The following PARP14 variants were observed in gnomAD, a reference collection of about 807,000 sequenced individuals.
The protein encoded by PARP14 is protein mono-ADP-ribosyltransferase PARP14.
Under a neutral mutation model 154.2 loss-of-function variants are expected in PARP14, and 59 were observed. The observed-to-expected ratio is 0.38, with a 90% CI of 0.31 to 0.48. The LOEUF is 0.48. PARP14 is among the 20% of genes least tolerant of loss of function. PARP14 has a pLI of 0.98. For missense variants in PARP14, 1,734 were observed against 2,131.6 expected (o/e 0.81, Z 3.67); for synonymous variants, 720 against 780.5 (o/e 0.92, Z 1.29).
intron 5 of PARP14, among the ~76,000 whole-genome samples, chr3:122,698,698 A>G (rs575409241): frequency 6.6e-6 from 1 of 152,356 alleles, no homozygotes; most frequent in African/African-American, 2.4e-5. Context: ...TGTGAGGATG[A>G]AATGAATTAA....
Position 122,692,308 on chromosome 3 carries a change from A to G in PARP14, c.363A>G (p.Ser121=), listed in dbSNP as rs1186305039. ...TKEDVKEPDV[S]EELDTKLPLD... ...TTGTCTTCCTAAAATCAGATGTGTC[A>G]GAAGAATTGGATACAAAACTCCCTC... The change falls in exon 4 of 17, where the codon TCA becomes TCG. Residue 121 remains serine (S), a synonymous_variant. Coordinates refer to ENST00000474629, the MANE Select transcript of PARP14 (RefSeq NM_017554.3). 4 of 1,610,944 alleles carry G rather than the reference A, an allele frequency of 2.5e-6. No homozygotes were observed. The highest frequency in any genetic ancestry group is 2.2e-5 in the East Asian group (1 of 44,792).
intron 15 of PARP14, among the ~76,000 whole-genome samples, chr3:122,723,038 C>T (rs1263602103): frequency 1.3e-5 from 2 of 151,936 alleles, no homozygotes; most frequent in Non-Finnish European, 2.9e-5. Context: ...CGGTTGCAAG[C>T]GATTCTCCTG....
At chr3:122,712,488 T>C (rs1939354774) in intron 9 of PARP14, among the ~76,000 whole-genome samples, 1 of 152,122 alleles carries the variant, frequency 6.6e-6, no homozygotes, top group Admixed American at 6.5e-5. Flanking sequence ...CCTCAAGTGA[T>C]CCACCTGCCT....
At chr3:122,703,701 T>G in intron 6 of PARP14, 41 bp from the exon 7 acceptor site, 1 of 1,256,056 alleles carries the variant, frequency 8.0e-7, no homozygotes, top group Admixed American at 2.3e-5. Context: ...ATGAATGCTT[T>G]TTGTTAAAAT....
rs747624853 is a variant in PARP14, at chr3:122,720,303, T to A, written c.4856T>A (p.Val1619Glu). ...WSDMKQQNFC[V>E]VELLPSDPEY... ...GATATGAAGCAGCAGAATTTCTGTG[T>A]GGTGGAGCTGCTGCCTAGTGATCCT... is the stretch of plus-strand genomic sequence containing the variant. The change falls in exon 15 of 17, where the codon GTG becomes GAG. Residue 1619 changes from valine (V) to glutamate (E), a missense_variant. This residue lies in a region of PARP14 where 1,646 missense variants were observed against 1,976.0 expected (regional missense o/e 0.83). Coordinates refer to ENST00000474629, the MANE Select transcript of PARP14 (RefSeq NM_017554.3). 2.5e-6 allele frequency: 4 copies of A among 1,613,020 alleles called. No individual in the cohort carries two copies. The highest frequency in any genetic ancestry group is 2.5e-6 in the Non-Finnish European group (3 of 1,179,384).
chr3:122,698,838 C>G (rs995040309), intron 5 of PARP14, among the ~76,000 whole-genome samples: 1 of 152,088 alleles, frequency 6.6e-6, no homozygotes, highest in African/African-American at 2.4e-5. Context: ...TAGGACTGTA[C>G]AAGAAGAACA....
chr3:122,720,517 T>C (rs774864406), intron 15 of PARP14, 129 bp downstream of exon 15: 80 of 831,738 alleles, frequency 9.6e-5, no homozygotes, highest in South Asian at 8.8e-4. Flanking sequence ...TGTATGGTAA[T>C]TAGTAGTTCT....
rs1243952626 is a variant in PARP14, at chr3:122,700,325, C to A, written c.1771C>A (p.Gln591Lys). Residue 591 changes from glutamine (Q) to lysine (K), a missense_variant, in exon 6 of 17, where the codon CAA becomes AAA. Physicochemically the swap from Gln to Lys is moderately conservative, Grantham distance 53. Transcript: ENST00000474629. ...TGAAGCCCTGTTAGAAGCAGAAAAG[C>A]AAATGCTCAGTGCCTTAAATTATAA... ...SSEALLEAEK[Q>K]MLSALNYKRI... 6.2e-7 allele frequency: 1 copy of A among 1,613,570 alleles called. No individual in the cohort carries two copies. Among genetic ancestry groups the A allele is most frequent in the Non-Finnish European group, 8.5e-7 (1 of 1,179,660 alleles).
intron 12 of PARP14, among the ~76,000 whole-genome samples, chr3:122,716,914 C>T (rs1933016664): frequency 6.6e-6 from 1 of 152,230 alleles, no homozygotes; most frequent in African/African-American, 2.4e-5. Context: ...CATATCACAT[C>T]ATCTGTGTTC....
At chr3:122,707,938 A>G (rs757325160) in intron 8 of PARP14, among the ~76,000 whole-genome samples, 6 of 152,346 alleles carry the variant, frequency 3.9e-5, no homozygotes, top group Non-Finnish European at 8.8e-5. Context: ...TATGAATAGC[A>G]CTGTAGTGAA....
At position 122,700,342 on chromosome 3, in the gene PARP14, A is replaced by T; in HGVS notation, c.1788A>T (p.Leu596Phe). The change falls in exon 6 of 17, where the codon TTA becomes TTT. Residue 596 changes from leucine (L) to phenylalanine (F), a missense_variant. By Grantham distance (22) the Leu-to-Phe change is conservative. Coordinates refer to ENST00000474629, the MANE Select transcript of PARP14 (RefSeq NM_017554.3). ...LEAEKQMLSA[L>F]NYKRIEVENK... The stretch of plus-strand genomic sequence containing the variant: ...CAGAAAAGCAAATGCTCAGTGCCTT[A>T]AATTATAAGCGCATTGAAGTTGAGA... The T allele has an allele frequency of 6.2e-7, 1 of 1,613,814 alleles. No homozygotes were observed. Among genetic ancestry groups the T allele is most frequent in the Non-Finnish European group, 8.5e-7 (1 of 1,179,796 alleles).
chr3:122,683,245 T>C, intron 1 of PARP14: 1 of 957,826 alleles, frequency 1.0e-6, no homozygotes, highest in Non-Finnish European at 1.2e-6. Flanking sequence ...GTCCCAGAAG[T>C]GCATTCTTCT....
chr3:122,700,366 G>C lies in PARP14; in HGVS notation c.1812G>C (p.Glu604Asp). Residue 604 changes from glutamate to aspartate, a missense_variant, in exon 6 of 17, where the codon GAG becomes GAC. Around this residue, in one of 2 missense-constraint regions of PARP14, gnomAD observed 1,646 missense variants for 1,976.0 expected, o/e 0.83. Transcript: ENST00000474629. The part of the protein sequence containing the change: ...SALNYKRIEV[E>D]NKEVLHGKKW... ...TAAATTATAAGCGCATTGAAGTTGAGAACAAAGAAGTTCTTCATGGCAAGA... is the reference window on the plus strand; with the variant it reads ...TAAATTATAAGCGCATTGAAGTTGACAACAAAGAAGTTCTTCATGGCAAGA... 6.2e-7 allele frequency: 1 copy of C among 1,613,848 alleles called. No homozygotes were observed. The highest frequency in any genetic ancestry group is 8.5e-7 in the Non-Finnish European group (1 of 1,179,852).
intron 2 of PARP14, among the ~76,000 whole-genome samples, chr3:122,686,090 A>T (rs1181910423): frequency 6.6e-6 from 1 of 152,246 alleles, no homozygotes; most frequent in African/African-American, 2.4e-5. Flanking sequence ...ATCTGTATAA[A>T]GCACATGACA....
chr3:122,684,606 G>T (rs1319377349), intron 1 of PARP14, among the ~76,000 whole-genome samples: 1 of 151,494 alleles, frequency 6.6e-6, no homozygotes, highest in Admixed American at 6.6e-5. Context: ...CTATTAATTT[G>T]TTCATTTTTT....
rs191618237 is a variant in PARP14, at chr3:122,690,796, G to A, written c.356-1505G>A. Among the ~76,000 whole-genome samples the A allele has an allele frequency of 6.2e-4, 94 of 152,348 alleles. 2 individuals are homozygous for A. The highest frequency in any genetic ancestry group is 8.4e-4 in the Non-Finnish European group (57 of 68,030). ...CAAAGTGCTGGGATTACAGGCATGA[G>A]CCACTGCGCCTGGCCACAACACAAG... On this transcript the variant is annotated intron_variant, in intron 3 of 16. Transcript: ENST00000474629.
rs563186973 is a variant in PARP14, at chr3:122,718,809, A to T, written c.4658A>T (p.Asn1553Ile). Reference sequence around the variant, plus strand: ...TCTCATTGTTTTAACAAAATGACCAATCTGAAATTAGAGGATGCAAGGAGA... The same window carrying T: ...TCTCATTGTTTTAACAAAATGACCATTCTGAAATTAGAGGATGCAAGGAGA... ...NTSHCFNKMT[N>I]LKLEDARREK... Residue 1553 changes from asparagine (N) to isoleucine (I), a missense_variant, in exon 14 of 17, where the codon AAT (asparagine) becomes ATT (isoleucine). Asn to Ile is a moderately radical substitution (Grantham distance 149). Transcript: ENST00000474629. 4 of 1,613,984 alleles carry T rather than the reference A, an allele frequency of 2.5e-6. No individual in the cohort carries two copies. The South Asian group carries it at 3.3e-5, about 13-fold the overall frequency.
In PARP14 at chr3:122,714,253, G is replaced by T; in HGVS notation, c.3833-9G>T. On this transcript the variant is annotated splice_polypyrimidine_tract_variant and intron_variant, in intron 11 of 16. Transcript: ENST00000474629. ...ACTAATTTTGCATCTTTTTGTCTGTGTTTCCCAGCTCAGCAGCGCAAAAAT... is the reference window on the plus strand; with the variant it reads ...ACTAATTTTGCATCTTTTTGTCTGTTTTTCCCAGCTCAGCAGCGCAAAAAT... The T allele has an allele frequency of 6.3e-7, 1 of 1,583,306 alleles. No individual in the cohort carries two copies. Among genetic ancestry groups the T allele is most frequent in the Admixed American group, 2.0e-5 (1 of 51,278 alleles).
chr3:122,693,435 G>T (rs1241605695), intron 4 of PARP14, among the ~76,000 whole-genome samples: 1 of 152,164 alleles, frequency 6.6e-6, no homozygotes, highest in Non-Finnish European at 1.5e-5. Context: ...ATATGAGGTT[G>T]GCCAAGTTAT....
Sources: gnomAD v4.1 joint callset for allele counts (sites outside exome capture counted in the v4.1 genomes callset) on GRCh38, gnomAD v4.1.1 for gene constraint, gnomAD v4.1.1 regional missense constraint, MANE v1.5 for transcripts, NCBI Gene and HGNC (gene_info 2026-07-23, HGNC 2026-07-21) for gene names.